The following LRP1B variants were observed in gnomAD, a reference collection of about 807,000 sequenced individuals.
LRP1B encodes LDL receptor related protein 1B, also known as low-density lipoprotein receptor-related protein 1B.
Under a neutral mutation model 556.6 loss-of-function variants are expected in LRP1B, and 217 were observed. That is an observed-to-expected ratio of 0.39 (90% CI 0.35 to 0.44). The LOEUF (loss-of-function observed/expected upper bound fraction) is 0.44, where lower values mean the gene tolerates loss of function less well. Ranked by LOEUF, LRP1B falls within the 20% of genes least tolerant of loss-of-function variation. The pLI is 1.00. For missense variants in LRP1B, 5,053 were observed against 5,620.8 expected (o/e 0.90, Z 3.23); for synonymous variants, 2,047 against 1,865.8 (o/e 1.10, Z -2.50).
intron 83 of LRP1B, among the ~76,000 whole-genome samples, chr2:140,303,283 T>C (rs1041199651): frequency 3.8e-4 from 58 of 152,200 alleles, no homozygotes; most frequent in African/African-American, 1.4e-3. Context: ...GGTCTCACTC[T>C]GTTGCCCAGG....
intron 2 of LRP1B, among the ~76,000 whole-genome samples, chr2:141,684,209 C>T (rs140362021): frequency 0.21 from 32,633 of 152,018 alleles, 4,282 homozygotes; most frequent in East Asian, 0.5. Flanking sequence ...AACCCAAATG[C>T]CTGTCAATTA....
chr2:140,654,477 T>G (rs868108281), intron 41 of LRP1B, among the ~76,000 whole-genome samples: 6 of 152,150 alleles, frequency 3.9e-5, no homozygotes, highest in Admixed American at 1.3e-4. Flanking sequence ...TAATCAAAAT[T>G]TGAAGATTGA....
chr2:141,402,234 T>C (rs1354582231), intron 3 of LRP1B, among the ~76,000 whole-genome samples: 1 of 152,044 alleles, frequency 6.6e-6, no homozygotes, highest in African/African-American at 2.4e-5. Context: ...GAACTAGGAG[T>C]TGTAGTTTTC....
At chr2:140,888,906 T>C (rs1693717598) in intron 23 of LRP1B, among the ~76,000 whole-genome samples, 1 of 144,852 alleles carries the variant, frequency 6.9e-6, no homozygotes, top group South Asian at 2.1e-4. Context: ...GAGGTTGCAG[T>C]GAGCCTAGAT....
At chr2:140,353,420 A>T (rs1000204292) in intron 75 of LRP1B, among the ~76,000 whole-genome samples, 57 of 152,114 alleles carry the variant, frequency 3.7e-4, no homozygotes, top group African/African-American at 1.3e-3. Context: ...TGCTACCTAG[A>T]TAAACTTGTG....
chr2:141,619,849 A>G (rs1319782914), intron 2 of LRP1B, among the ~76,000 whole-genome samples: 1 of 152,238 alleles, frequency 6.6e-6, no homozygotes, highest in Non-Finnish European at 1.5e-5. Context: ...AGTTGAGAAC[A>G]TGATCCACCC....
intron 2 of LRP1B, among the ~76,000 whole-genome samples, chr2:141,509,582 AAAC>A (rs773296608): frequency 0.059 from 8,909 of 151,676 alleles, 330 homozygotes; most frequent in South Asian, 0.18. Context: ...ACAAACAAAC[AAAC>A]AAAATGCCTT....
intron 2 of LRP1B, among the ~76,000 whole-genome samples, chr2:141,586,941 C>CAAAAAAAAAAAAAAA (rs769891211): frequency 7.0e-5 from 5 of 71,514 alleles, no homozygotes; most frequent in Non-Finnish European, 1.3e-4. Context: ...GACTCCATCT[C>CAAAAAAAAAAAAAAA]AAAAAAAAAA....
intron 71 of LRP1B, 91 bp from the exon 72 acceptor site, chr2:140,364,874 ATCTAG>A (rs1558831444): frequency 8.8e-7 from 1 of 1,130,584 alleles, no homozygotes; most frequent in East Asian, 2.4e-5. Context: ...AGCAAACAGT[ATCTAG>A]TTGACTGCTT....
chr2:141,358,261 C>T (rs1025923723), intron 3 of LRP1B, among the ~76,000 whole-genome samples: 8 of 152,104 alleles, frequency 5.3e-5, no homozygotes, highest in Admixed American at 1.3e-4. Flanking sequence ...GGTGAAGCTA[C>T]CTCAAAATTT....
At chr2:141,707,599 A>C (rs1465160712) in intron 2 of LRP1B, among the ~76,000 whole-genome samples, 2 of 152,154 alleles carry the variant, frequency 1.3e-5, no homozygotes, top group Non-Finnish European at 2.9e-5. Flanking sequence ...TTGTGTCTGC[A>C]CCACTGTTGA....
At chr2:140,315,673 G>C (rs1020243999) in intron 82 of LRP1B, among the ~76,000 whole-genome samples, 1 of 152,112 alleles carries the variant, frequency 6.6e-6, no homozygotes, top group Non-Finnish European at 1.5e-5. Flanking sequence ...TTATAATATG[G>C]ACAAACATAG....
intron 3 of LRP1B, among the ~76,000 whole-genome samples, chr2:141,263,850 C>T (rs1684789965): frequency 6.6e-6 from 1 of 152,054 alleles, no homozygotes; most frequent in Non-Finnish European, 1.5e-5. Flanking sequence ...ATCCAGATCA[C>T]CCTATCAATC....
At chr2:140,969,517 A>G (rs1467227223) in intron 18 of LRP1B, among the ~76,000 whole-genome samples, 1 of 152,114 alleles carries the variant, frequency 6.6e-6, no homozygotes, top group African/African-American at 2.4e-5. Flanking sequence ...CATTTAGCCC[A>G]TTTACATTTA....
At chr2:140,379,949 A>G (rs1446882035) in intron 67 of LRP1B, among the ~76,000 whole-genome samples, 2 of 152,076 alleles carry the variant, frequency 1.3e-5, no homozygotes, top group African/African-American at 4.8e-5. Context: ...TATATAAGGT[A>G]TTCACATAGA....
rs147918881 is a variant in LRP1B, at chr2:140,530,306, T to C, written c.7762+3715A>G. On this transcript the variant is annotated intron_variant, in intron 47 of 90. Coordinates refer to ENST00000389484, the MANE Select transcript of LRP1B (RefSeq NM_018557.3). ...CTGCATCTCTTCATTGCACTGACAATAGAAAGAGAGAAGGGGTAACTGGAA... is the reference window on the plus strand; with the variant it reads ...CTGCATCTCTTCATTGCACTGACAACAGAAAGAGAGAAGGGGTAACTGGAA... 1.7e-3 allele frequency among the ~76,000 whole-genome samples: 264 copies of C among 152,174 alleles called. 3 individuals are homozygous for C. The highest frequency in any genetic ancestry group is 3.9e-3 in the Admixed American group (59 of 15,248).
chr2:140,663,925 C>T (rs1325378752), intron 41 of LRP1B, among the ~76,000 whole-genome samples: 1 of 152,080 alleles, frequency 6.6e-6, no homozygotes, highest in Non-Finnish European at 1.5e-5. Flanking sequence ...CTTGAGACTG[C>T]TGTAGGTTAT....
At chr2:141,999,585 A>C (rs1294493489) in intron 1 of LRP1B, among the ~76,000 whole-genome samples, 3 of 152,154 alleles carry the variant, frequency 2.0e-5, no homozygotes, top group African/African-American at 7.2e-5. Context: ...TACAATTAAA[A>C]GTAGAGTTTG....
chr2:141,182,082 A>G (rs150930048), intron 7 of LRP1B, among the ~76,000 whole-genome samples: 1,549 of 152,084 alleles, frequency 0.01, 25 homozygotes, highest in African/African-American at 0.036. Context: ...GGCTCTTAGT[A>G]AATTGGTCTA....
Sources: allele counts gnomAD v4.1 joint callset (sites outside exome capture counted in the v4.1 genomes callset), GRCh38; gene constraint gnomAD v4.1.1; transcripts MANE v1.5; gene names NCBI Gene and HGNC (gene_info 2026-07-23, HGNC 2026-07-21).